KAZN: variants seen among roughly 807,000 people sequenced by gnomAD.
The protein encoded by KAZN is kazrin.
Under a neutral mutation model 87.4 loss-of-function variants are expected in KAZN, and 40 were observed. The observed-to-expected ratio is 0.46, with a 90% CI of 0.36 to 0.60. The LOEUF (loss-of-function observed/expected upper bound fraction) is 0.60. Ranked by LOEUF, KAZN falls within the 20% of genes least tolerant of loss-of-function variation. The pLI, the probability that KAZN is intolerant of heterozygous loss-of-function variation, is 0.00. For synonymous variants in KAZN, 466 were observed against 458.3 expected (o/e 1.02, Z -0.22); for missense variants, 898 against 1,073.9 (o/e 0.84, Z 2.29).
intron 1 of KAZN, among the ~76,000 whole-genome samples, chr1:14,092,978 G>C (rs1644041920): frequency 6.6e-6 from 1 of 152,180 alleles, no homozygotes; most frequent in Non-Finnish European, 1.5e-5. Context: ...GCAAGAACTT[G>C]CCTGGGTTTC....
chr1:14,402,579 AAT>A (rs1178099082), intron 2 of KAZN, among the ~76,000 whole-genome samples: 1 of 152,226 alleles, frequency 6.6e-6, no homozygotes, highest in African/African-American at 2.4e-5. Context: ...TATAAATGTC[AAT>A]ATGTTATAAT....
chr1:14,724,240 G>GA (rs112525858), intron 1 of KAZN, among the ~76,000 whole-genome samples: 152 of 150,906 alleles, frequency 1.0e-3, no homozygotes, highest in Middle Eastern at 3.4e-3. Flanking sequence ...ACAGGATAGG[G>GA]AAAAAAAAAG....
chr1:14,705,719 GCTAAAAAAGTTTAT>G (rs1642172214), intron 1 of KAZN, among the ~76,000 whole-genome samples: 1 of 152,210 alleles, frequency 6.6e-6, no homozygotes, highest in South Asian at 2.1e-4. Context: ...ATGTGTGGAA[GCTAAAAAAGTTTAT>G]CTAAAAAAGT....
At chr1:14,050,200 G>C (rs566318897) in intron 1 of KAZN, among the ~76,000 whole-genome samples, 355 of 151,986 alleles carry the variant, frequency 2.3e-3, no homozygotes, top group Non-Finnish European at 4.2e-3. Context: ...ACACATATGT[G>C]CACATGTGTG....
chr1:14,814,311 C>T (rs532049341), intron 1 of KAZN, among the ~76,000 whole-genome samples: 1 of 152,184 alleles, frequency 6.6e-6, no homozygotes, highest in Non-Finnish European at 1.5e-5. Flanking sequence ...CCTGAAACCT[C>T]TGCCCCCCGG....
At chr1:13,915,452 CA>C (rs1434198865) in intron 1 of KAZN, among the ~76,000 whole-genome samples, 1 of 152,142 alleles carries the variant, frequency 6.6e-6, no homozygotes, top group African/African-American at 2.4e-5. Flanking sequence ...CCCGCAATAG[CA>C]AAAATGCTTG....
chr1:13,897,588 C>G (rs1639092346), intron 1 of KAZN, among the ~76,000 whole-genome samples: 1 of 152,154 alleles, frequency 6.6e-6, no homozygotes, highest in African/African-American at 2.4e-5. Flanking sequence ...AGCACCTGTG[C>G]TAGACAAACT....
chr1:15,045,108 G>A (rs187514490), intron 4 of KAZN, among the ~76,000 whole-genome samples: 2 of 152,304 alleles, frequency 1.3e-5, no homozygotes, highest in South Asian at 2.1e-4. Flanking sequence ...CCACTCAACT[G>A]TTCTGGGCTT....
At chr1:14,721,723 A>G (rs750642055) in intron 1 of KAZN, among the ~76,000 whole-genome samples, 1 of 152,226 alleles carries the variant, frequency 6.6e-6, no homozygotes, top group Non-Finnish European at 1.5e-5. Context: ...AGAGATTTCT[A>G]TATAAGACCA....
At chr1:14,295,346 C>T (rs189309153) in intron 2 of KAZN, among the ~76,000 whole-genome samples, 22 of 152,156 alleles carry the variant, frequency 1.4e-4, no homozygotes, top group African/African-American at 5.1e-4. Flanking sequence ...GCATATTCTG[C>T]CTCTCCTTCC....
At chr1:14,149,087 C>T (rs1304172232) in intron 1 of KAZN, among the ~76,000 whole-genome samples, 24 of 108,316 alleles carry the variant, frequency 2.2e-4, no homozygotes, top group African/African-American at 2.2e-4. Flanking sequence ...TCCTTCCTTC[C>T]TTCCTTTCTT....
At chr1:13,969,208 A>G (rs932607041) in intron 1 of KAZN, among the ~76,000 whole-genome samples, 1 of 152,198 alleles carries the variant, frequency 6.6e-6, no homozygotes, top group African/African-American at 2.4e-5. Flanking sequence ...TGAAAAATTC[A>G]TATGTTAAAG....
chr1:14,365,363 CGGGGTGGGGGG>C (rs1341998015), intron 2 of KAZN, among the ~76,000 whole-genome samples: 2 of 90,278 alleles, frequency 2.2e-5, no homozygotes, highest in Admixed American at 2.0e-4. Context: ...CCCCTCCCCC[CGGGGTGGGGGG>C]GGGGGGGGTC....
At chr1:15,050,174 A>AGAATC (rs2100427517) in intron 4 of KAZN, among the ~76,000 whole-genome samples, 1 of 131,192 alleles carries the variant, frequency 7.6e-6, no homozygotes, top group African/African-American at 2.8e-5. Flanking sequence ...AGAATAGAAT[A>AGAATC]GAATAGAATA....
chr1:14,055,561 A>T (rs866780014), intron 1 of KAZN, among the ~76,000 whole-genome samples: 22 of 152,326 alleles, frequency 1.4e-4, no homozygotes, highest in Middle Eastern at 3.4e-3. Flanking sequence ...AGCTGTGTTT[A>T]GCAGGGAGTG....
chr1:14,707,385 G>A (rs1426959280), intron 1 of KAZN, among the ~76,000 whole-genome samples: 1 of 152,190 alleles, frequency 6.6e-6, no homozygotes, highest in African/African-American at 2.4e-5. Context: ...ACAATAACCA[G>A]AGATGTAGTA....
intron 2 of KAZN, among the ~76,000 whole-genome samples, chr1:14,357,432 T>G (rs1659129659): frequency 6.6e-6 from 1 of 152,202 alleles, no homozygotes; most frequent in Non-Finnish European, 1.5e-5. Context: ...CTTACCTGAT[T>G]GCCCTGGCCA....
chr1:14,593,649 C>T (rs977377955), intron 2 of KAZN, among the ~76,000 whole-genome samples: 4 of 151,966 alleles, frequency 2.6e-5, no homozygotes, highest in Non-Finnish European at 5.9e-5. Flanking sequence ...TTTCAAATTC[C>T]CAAATAAATA....
exon 1 of KAZN, chr1:13,893,503 G>C (rs1418382448): frequency 1.7e-6 from 2 of 1,207,640 alleles, no homozygotes; most frequent in Non-Finnish European, 2.2e-6. Flanking sequence ...AAAGGGTGGC[G>C]AAAGGAAGAA....
Sources: gnomAD v4.1 joint callset for allele counts (sites outside exome capture counted in the v4.1 genomes callset) on GRCh38, gnomAD v4.1.1 for gene constraint, MANE v1.5 for transcripts, NCBI Gene and HGNC (gene_info 2026-07-23, HGNC 2026-07-21) for gene names.